ATP7B: variants seen among roughly 807,000 people sequenced by gnomAD.
ATP7B encodes ATPase copper transporting beta.
In ATP7B, 113 loss-of-function variants were observed where a neutral mutation model predicts 118.9. That is an observed-to-expected ratio of 0.95 (90% CI 0.82 to 1.11). ATP7B has a LOEUF of 1.11. ATP7B is among the 50% of genes most tolerant of loss of function. The pLI, the probability that ATP7B is intolerant of heterozygous loss-of-function variation, is 0.00. For synonymous variants in ATP7B, 777 were observed against 727.4 expected (o/e 1.07, Z -1.10); for missense variants, 1,867 against 1,871.4 (o/e 1.00, Z 0.04).
At chr13:52,008,264 C>G (rs574899771) in intron 1 of ATP7B, among the ~76,000 whole-genome samples, 42 of 152,280 alleles carry the variant, frequency 2.8e-4, no homozygotes, top group Middle Eastern at 6.8e-3. Context: ...CACTTGAGCC[C>G]GGGAGGCACA....
At chr13:51,968,868 T>C (rs1344103253) in intron 3 of ATP7B, among the ~76,000 whole-genome samples, 1 of 144,668 alleles carries the variant, frequency 6.9e-6, no homozygotes, top group Non-Finnish European at 1.5e-5. Context: ...TTTTTCTTTT[T>C]TTTTTTTTTT....
Position 51,954,569 on chromosome 13 carries a change from C to T in ATP7B, c.2447+2947G>A, listed in dbSNP as rs377169085. Among the ~76,000 whole-genome samples the T allele has an allele frequency of 4.3e-4, 65 of 152,312 alleles. No homozygotes were observed. In the South Asian group the frequency reaches 7.7e-3, roughly 18 times the overall value. On this transcript the variant is annotated intron_variant, in intron 9 of 20. Coordinates refer to ENST00000242839, the MANE Select transcript of ATP7B (RefSeq NM_000053.4). Reference sequence around the variant, plus strand: ...GGACCAGCATGGTGCCAGTGGATGACGCCCCTAGAGACAGAGGTGCTAGAA... The same window carrying T: ...GGACCAGCATGGTGCCAGTGGATGATGCCCCTAGAGACAGAGGTGCTAGAA...
intron 4 of ATP7B, among the ~76,000 whole-genome samples, chr13:51,966,309 T>C (rs530013530): frequency 1.2e-4 from 19 of 152,316 alleles, no homozygotes; most frequent in Non-Finnish European, 1.6e-4. Flanking sequence ...CGTCCCCAGA[T>C]GGGCTGGCTC....
intron 9 of ATP7B, among the ~76,000 whole-genome samples, chr13:51,954,752 G>C (rs993984514): frequency 2.0e-5 from 3 of 152,184 alleles, no homozygotes; most frequent in African/African-American, 7.2e-5. Context: ...GAAGAATACA[G>C]ACAGGCCGAG....
chr13:51,997,522 G>A (rs1953268392), intron 1 of ATP7B, among the ~76,000 whole-genome samples: 1 of 152,192 alleles, frequency 6.6e-6, no homozygotes, highest in Admixed American at 6.5e-5. Flanking sequence ...TCTAGATGGT[G>A]GCTCAGACCC....
intron 4 of ATP7B, chr13:51,966,609 TA>T (rs1951560499): frequency 1.4e-6 from 1 of 719,802 alleles, no homozygotes. Context: ...GAAATTCACA[TA>T]AAATCTGAAT....
In ATP7B at chr13:51,993,161, T is replaced by C. The variant is rs542889361; in HGVS notation, c.52-17993A>G. 6.6e-5 allele frequency among the ~76,000 whole-genome samples: 10 copies of C among 152,216 alleles called. No homozygotes were observed. In the South Asian group the frequency reaches 1.5e-3, roughly 22 times the overall value. ...ACATACATACACGTATACACATTCATATTTGTTGGGAAAACGACTGCTTTT... is the reference window on the plus strand; with the variant it reads ...ACATACATACACGTATACACATTCACATTTGTTGGGAAAACGACTGCTTTT... On this transcript the variant is annotated intron_variant, in intron 1 of 20. Transcript: ENST00000242839.
At chr13:51,992,321 T>C (rs1210865917) in intron 1 of ATP7B, among the ~76,000 whole-genome samples, 1 of 152,212 alleles carries the variant, frequency 6.6e-6, no homozygotes, top group East Asian at 1.9e-4. Flanking sequence ...GTGTATTAAA[T>C]AATACTTCAG....
chr13:51,973,244 C>T (rs561266044), intron 2 of ATP7B, among the ~76,000 whole-genome samples: 1 of 152,238 alleles, frequency 6.6e-6, no homozygotes, highest in South Asian at 2.1e-4. Flanking sequence ...CCTGGATGGT[C>T]CCACAGTGCT....
intron 1 of ATP7B, among the ~76,000 whole-genome samples, chr13:51,981,877 CG>C (rs1952439249): frequency 6.6e-6 from 1 of 152,102 alleles, no homozygotes; most frequent in Admixed American, 6.5e-5. Context: ...GTGATTTTCC[CG>C]TTTGTCTAAG....
rs372042739 is a variant in ATP7B, at chr13:51,937,630, G to C, written c.3749C>G (p.Ala1250Gly). ...FAEVLPSHKV[A>G]KVQELQNKGK... ...TTTATTCTGGAGCTCCTGGACCTTGGCCACCTTGTGCGAAGGCAGCACCTC... is the reference window on the plus strand; with the variant it reads ...TTTATTCTGGAGCTCCTGGACCTTGCCCACCTTGTGCGAAGGCAGCACCTC... The change falls in exon 18 of 21, where the codon GCC (alanine) becomes GGC (glycine). Residue 1250 changes from alanine (A) to glycine (G), a missense_variant. Transcript: ENST00000242839. 83 of 1,614,130 alleles carry C rather than the reference G, an allele frequency of 5.1e-5. No individual in the cohort carries two copies. The highest frequency in any genetic ancestry group is 6.3e-5 in the Non-Finnish European group (74 of 1,180,056).
At position 51,937,520 on chromosome 13, in the gene ATP7B, C is replaced by T. The variant is rs762866453; in HGVS notation, c.3859G>A (p.Gly1287Ser). 97 of 1,614,056 alleles carry T rather than the reference C, an allele frequency of 6.0e-5. No individual in the cohort carries two copies. The highest frequency in any genetic ancestry group is 2.5e-4 in the African/African-American group (19 of 74,944). ...GCTGCCTCGATGGCCACATCCGTGC[C>T]GGTGCCAATGGCCACACCCATGTCT... Reference protein sequence around the residue: ...QADMGVAIGTGTDVAIEAADV... With the variant: ...QADMGVAIGTSTDVAIEAADV... Residue 1287 changes from glycine to serine, a missense_variant, in exon 18 of 21, where the codon GGC becomes AGC. Transcript: ENST00000242839.
intron 1 of ATP7B, among the ~76,000 whole-genome samples, chr13:52,004,825 T>C (rs1332753288): frequency 6.6e-6 from 1 of 152,138 alleles, no homozygotes; most frequent in East Asian, 1.9e-4. Flanking sequence ...CCATAGACGT[T>C]TTCTGCCTGG....
At chr13:51,944,549 G>A (rs1244972302) in intron 13 of ATP7B, among the ~76,000 whole-genome samples, 1 of 152,082 alleles carries the variant, frequency 6.6e-6, no homozygotes, top group Non-Finnish European at 1.5e-5. Context: ...ACCCTCAGTC[G>A]GCTGTACAGG....
At chr13:51,991,376 G>T (rs1952900407) in intron 1 of ATP7B, among the ~76,000 whole-genome samples, 1 of 152,152 alleles carries the variant, frequency 6.6e-6, no homozygotes, top group African/African-American at 2.4e-5. Context: ...CTACTCAGGA[G>T]GCTAGGGTGG....
In ATP7B at chr13:51,958,368, C is replaced by A. The variant is rs759444110; in HGVS notation, c.2298G>T (p.Thr766=). ...CAATGAACACAAAGAGCATGGGGGG[C>A]GTGTCGAAGAATGTCACAGGGCTCC... ...AERSPVTFFD[T]PPMLFVFIAL... Residue 766 remains threonine (T), a synonymous_variant, in exon 8 of 21, where the codon ACG becomes ACT. Coordinates refer to ENST00000242839, the MANE Select transcript of ATP7B (RefSeq NM_000053.4). 3.1e-6 allele frequency: 5 copies of A among 1,614,036 alleles called. No individual in the cohort carries two copies. Among genetic ancestry groups the A allele is most frequent in the Non-Finnish European group, 3.4e-6 (4 of 1,180,018 alleles).
chr13:51,952,498 G>A lies in ATP7B; in HGVS notation c.2448-2099C>T, dbSNP rs115676384. Among the ~76,000 whole-genome samples, 1,487 of 152,330 alleles carry A rather than the reference G, an allele frequency of 9.8e-3. 26 individuals are homozygous for A. Among genetic ancestry groups the A allele is most frequent in the African/African-American group, 0.034 (1,410 of 41,564 alleles). On this transcript the variant is annotated intron_variant, in intron 9 of 20. Transcript: ENST00000242839. ...AGACATTTACTGAGTGCTAGGAACT[G>A]TGCTAGATTTTTACATGTTTTACCT...
rs1957911633 is a variant in ATP7B, at chr13:51,950,220, C to A, written c.2575+52G>T. 11 of 1,614,048 alleles carry A rather than the reference C, an allele frequency of 6.8e-6. No homozygotes were observed. The South Asian group carries it at 9.9e-5, about 15-fold the overall frequency. On this transcript the variant is annotated intron_variant, in intron 10 of 20. Coordinates refer to ENST00000242839, the MANE Select transcript of ATP7B (RefSeq NM_000053.4). ...CAGCCCCATCCAGCACTCATGTGAC[C>A]TGACAGCTGCTATGATATCCTCCTG...
chr13:51,943,931 G>A (rs1471256473), intron 14 of ATP7B, among the ~76,000 whole-genome samples, 178 bp downstream of exon 14: 1 of 145,760 alleles, frequency 6.9e-6, no homozygotes, highest in African/African-American at 2.8e-5. Flanking sequence ...GTGATAACCT[G>A]GAACTGTGGC....
Sources: gnomAD v4.1 joint callset for allele counts (sites outside exome capture counted in the v4.1 genomes callset) on GRCh38, gnomAD v4.1.1 for gene constraint, MANE v1.5 for transcripts, NCBI Gene and HGNC (gene_info 2026-07-23, HGNC 2026-07-21) for gene names.